The following HERC1 variants were observed in gnomAD, a reference collection of about 807,000 sequenced individuals.
HERC1 encodes the protein HECT and RLD domain containing E3 ubiquitin protein ligase family member 1.
HERC1 carries 160 observed loss-of-function variants against 554.3 expected under a neutral mutation model. The ratio of observed to expected loss-of-function variants is 0.29; its 90% CI spans 0.25 to 0.33. HERC1 has a LOEUF of 0.33. Among genes scored for constraint, HERC1 ranks in the 10% least tolerant of loss-of-function variants. The probability of loss-of-function intolerance (pLI) is 1.00; values close to 1 mark genes in which losing one functional copy is unlikely to be tolerated. For missense variants in HERC1, 4,919 were observed against 5,918.5 expected (o/e 0.83, Z 5.54); for synonymous variants, 2,175 against 2,131.7 (o/e 1.02, Z -0.56).
intron 1 of HERC1, among the ~76,000 whole-genome samples, chr15:63,803,323 T>C (rs771045188): frequency 2.6e-5 from 4 of 152,202 alleles, no homozygotes; most frequent in Non-Finnish European, 4.4e-5. Context: ...CAGTAATTGA[T>C]AGAGTAAGGA....
intron 16 of HERC1, 53 bp downstream of exon 16, chr15:63,729,183 G>A: frequency 6.7e-7 from 1 of 1,498,720 alleles, no homozygotes; most frequent in Non-Finnish European, 9.0e-7. Flanking sequence ...GGAAAGCCAA[G>A]TGTTCTTACT....
Position 63,680,642 on chromosome 15 carries a change from G to A in HERC1, c.6360C>T (p.His2120=). ...LYRAYSGNLY[H]NGEQTLTLSS... The stretch of plus-strand genomic sequence containing the variant: ...ACAATGTGAGAGTCTGTTCTCCATT[G>A]TGATAGAGGTTACCACTGTAGGCCC... The change falls in exon 35 of 78, where the codon CAC becomes CAT. Residue 2120 remains histidine (H), a synonymous_variant. Coordinates refer to ENST00000443617, the MANE Select transcript of HERC1 (RefSeq NM_003922.4). This position sits in a 1 kb window ranked among gnomAD's most constrained non-coding sequence, Gnocchi z 5.8. 6.2e-7 allele frequency: 1 copy of A among 1,613,766 alleles called. No homozygotes were observed. The highest frequency in any genetic ancestry group is 8.5e-7 in the Non-Finnish European group (1 of 1,179,766).
At position 63,718,874 on chromosome 15, in the gene HERC1, T is replaced by A; in HGVS notation, c.3766A>T (p.Asn1256Tyr). Residue 1256 changes from asparagine to tyrosine, a missense_variant, in exon 20 of 78, where the codon AAT becomes TAT. Around this residue, in one of 11 missense-constraint regions of HERC1, gnomAD observed 1,121 missense variants for 1,244.0 expected, o/e 0.90. Transcript: ENST00000443617. The surrounding 1 kb of genome is among the most constrained non-coding windows in gnomAD (Gnocchi z 4.2). ...SKDWDSATLS[N>Y]ESLLDTVSRF... ...GACACAGTGTCCAAGAGTGACTCAT[T>A]ACTTAAAGTTGCACTGTCCCAATCT... 1 of 1,611,148 alleles carries A rather than the reference T, an allele frequency of 6.2e-7. No homozygotes were observed. The highest frequency in any genetic ancestry group is 8.5e-7 in the Non-Finnish European group (1 of 1,177,770).
rs749464980 is a variant in HERC1 at position 63,774,860 on chromosome 15, G to A, written c.764C>T (p.Ala255Val). 4 of 1,613,854 alleles carry A rather than the reference G, an allele frequency of 2.5e-6. No homozygotes were observed. Among genetic ancestry groups the A allele is most frequent in the Non-Finnish European group, 3.4e-6 (4 of 1,179,904 alleles). The change falls in exon 2 of 78, where the codon GCA (alanine) becomes GTA (valine). Residue 255 changes from alanine to valine, a missense_variant. Ala to Val is a moderately conservative substitution (Grantham distance 64). This residue lies in a region of HERC1 where 744 missense variants were observed against 1,090.0 expected (regional missense o/e 0.68). Coordinates refer to ENST00000443617, the MANE Select transcript of HERC1 (RefSeq NM_003922.4). ...ATATCGCAATGAGCCTCGTTGAGCT[G>A]CCAAACCAAGCAGCAACTCAGAAGC... ...RLASELLLGL[A>V]AQRGSLRYLL... is the part of the protein sequence containing the mutation.
At position 63,656,481 on chromosome 15, in the gene HERC1, T is replaced by C. The variant is rs908705997; in HGVS notation, c.9600-123A>G. 8 of 842,050 alleles carry C rather than the reference T, an allele frequency of 9.5e-6. No individual in the cohort carries two copies. The African/African-American group carries it at 1.2e-4, about 13-fold the overall frequency. 52.2% of individuals were successfully genotyped at this position (842,050 alleles called of 1,614,324 possible). A position where few individuals can be genotyped will look rare whatever the true frequency, so the allele number is the denominator to read the frequency against. Reference sequence around the variant, plus strand: ...AATAAAATGTAAGCTGCACTATCATTAGCCATACATGTCCTAAGAGTTGCC... The same window carrying C: ...AATAAAATGTAAGCTGCACTATCATCAGCCATACATGTCCTAAGAGTTGCC... On this transcript the variant is annotated intron_variant, in intron 48 of 77. Transcript: ENST00000443617.
Position 63,612,701 on chromosome 15 carries a change from T to A in HERC1, c.14095-145A>T. The A allele has an allele frequency of 2.7e-6, 2 of 751,020 alleles. No homozygotes were observed. Among genetic ancestry groups the A allele is most frequent in the Non-Finnish European group, 4.2e-6 (2 of 477,248 alleles). 46.5% of individuals were successfully genotyped at this position (751,020 alleles called of 1,614,324 possible). A position where few individuals can be genotyped will look rare whatever the true frequency, so the allele number is the denominator to read the frequency against. ...TTTCTCAGACCGCCAGGCACGAGAG[T>A]CAGTCAAAAAGGCCCACCCTCCCTG... On this transcript the variant is annotated intron_variant, in intron 76 of 77. Transcript: ENST00000443617. The surrounding 1 kb of genome is among the most constrained non-coding windows in gnomAD (Gnocchi z 5.0).
chr15:63,616,419 C>G lies in HERC1; in HGVS notation c.13941+11G>C. 1.2e-6 allele frequency: 2 copies of G among 1,609,822 alleles called. No homozygotes were observed. Among genetic ancestry groups the G allele is most frequent in the Non-Finnish European group, 1.7e-6 (2 of 1,177,196 alleles). On this transcript the variant is annotated intron_variant, in intron 75 of 77. Coordinates refer to ENST00000443617, the MANE Select transcript of HERC1 (RefSeq NM_003922.4). Reference sequence around the variant, plus strand: ...CAACACCAGTAGAAACATAGACTGGCCAGGATTTACCTCATGGAAACTCTC... The same window carrying G: ...CAACACCAGTAGAAACATAGACTGGGCAGGATTTACCTCATGGAAACTCTC...
intron 1 of HERC1, among the ~76,000 whole-genome samples, chr15:63,804,012 G>A (rs547298586): frequency 6.6e-6 from 1 of 152,286 alleles, no homozygotes; most frequent in East Asian, 1.9e-4. Flanking sequence ...CTTATCTAAA[G>A]TGTCAAGGCA....
At chr15:63,695,455 C>T (rs973445256) in intron 27 of HERC1, among the ~76,000 whole-genome samples, 6 of 138,798 alleles carry the variant, frequency 4.3e-5, no homozygotes, top group African/African-American at 1.4e-4. Flanking sequence ...GGGTGATCTT[C>T]GCTCACTGCA....
chr15:63,824,226 T>C (rs958777827), intron 1 of HERC1, among the ~76,000 whole-genome samples: 4 of 152,108 alleles, frequency 2.6e-5, no homozygotes, highest in African/African-American at 7.2e-5. Flanking sequence ...GAAAACAGTA[T>C]GTAGGTTTCT....
intron 19 of HERC1, among the ~76,000 whole-genome samples, chr15:63,722,243 T>C (rs948361651): frequency 2.0e-5 from 3 of 152,186 alleles, no homozygotes; most frequent in African/African-American, 7.2e-5. Flanking sequence ...CCATGGTACT[T>C]AATAGTATAT....
intron 1 of HERC1, among the ~76,000 whole-genome samples, chr15:63,792,399 AAT>A (rs1191269604): frequency 1.3e-5 from 2 of 152,210 alleles, no homozygotes; most frequent in Non-Finnish European, 2.9e-5. Flanking sequence ...ATACAAAAAG[AAT>A]ATAAATAACT....
At chr15:63,617,669 T>G (rs1056671455) in intron 74 of HERC1, among the ~76,000 whole-genome samples, 2 of 152,218 alleles carry the variant, frequency 1.3e-5, no homozygotes, top group African/African-American at 4.8e-5. Context: ...CTCCAGCACC[T>G]GTTGTTTCCT....
chr15:63,743,263 C>CTTTTTCT (rs2074896514), intron 12 of HERC1, among the ~76,000 whole-genome samples: 1 of 109,182 alleles, frequency 9.2e-6, no homozygotes, highest in Non-Finnish European at 1.8e-5. Flanking sequence ...TTTTCTTTTT[C>CTTTTTCT]TTTTTTTTTT....
intron 1 of HERC1, among the ~76,000 whole-genome samples, chr15:63,819,785 A>G (rs1440471138): frequency 3.3e-5 from 5 of 152,116 alleles, no homozygotes; most frequent in Non-Finnish European, 7.3e-5. Context: ...GGCCATGTCT[A>G]TGCTCTGCCC....
intron 5 of HERC1, 110 bp from the exon 6 acceptor site, chr15:63,755,435 A>C: frequency 1.2e-6 from 1 of 809,420 alleles, no homozygotes; most frequent in East Asian, 2.7e-5. Context: ...CAACCCATCC[A>C]GGAATTTCCA....
chr15:63,735,967 G>C (rs1410493599), intron 12 of HERC1, among the ~76,000 whole-genome samples: 1 of 152,078 alleles, frequency 6.6e-6, no homozygotes, highest in Non-Finnish European at 1.5e-5. Flanking sequence ...GGTGACTAAG[G>C]ATTAAGAACT....
At chr15:63,831,746 C>A (rs1450447439) in intron 1 of HERC1, among the ~76,000 whole-genome samples, 2 of 152,002 alleles carry the variant, frequency 1.3e-5, no homozygotes, top group Non-Finnish European at 2.9e-5. Flanking sequence ...TTATTTGCAC[C>A]CTCTACTAAC....
At chr15:63,636,719 A>C (rs1265927840) in intron 64 of HERC1, among the ~76,000 whole-genome samples, 7 of 152,144 alleles carry the variant, frequency 4.6e-5, no homozygotes, top group Non-Finnish European at 7.4e-5. Context: ...CACTCCTATA[A>C]ATGCTTTACA....
Sources: gnomAD v4.1 joint callset for allele counts (sites outside exome capture counted in the v4.1 genomes callset) on GRCh38, gnomAD v4.1.1 for gene constraint, gnomAD v4.1.1 regional missense constraint, Gnocchi (gnomAD v3.1) non-coding constraint, MANE v1.5 for transcripts, NCBI Gene and HGNC (gene_info 2026-07-23, HGNC 2026-07-21) for gene names.